The following BACH2 variants were observed in gnomAD, a reference collection of about 807,000 sequenced individuals.
The protein encoded by BACH2 is transcription regulator protein BACH2.
A neutral mutation model predicts 61.8 loss-of-function variants in BACH2; 5 were observed. The observed-to-expected ratio is 0.08, with a 90% CI of 0.04 to 0.17. The LOEUF (loss-of-function observed/expected upper bound fraction) is 0.17, where lower values mean the gene tolerates loss of function less well. Ranked by LOEUF, BACH2 falls within the 10% of genes least tolerant of loss-of-function variation. BACH2 has a pLI of 1.00. For missense variants in BACH2, 824 were observed against 1,091.1 expected (o/e 0.76, Z 3.45); for synonymous variants, 446 against 440.1 (o/e 1.01, Z -0.17).
intron 4 of BACH2, among the ~76,000 whole-genome samples, chr6:90,143,148 C>A (rs754622104): frequency 5.9e-5 from 9 of 152,196 alleles, no homozygotes; most frequent in Admixed American, 3.9e-4. Flanking sequence ...AGGGATAGGT[C>A]TGCTTTATGT....
intron 5 of BACH2, among the ~76,000 whole-genome samples, chr6:90,082,299 A>G (rs1781757071): frequency 1.3e-5 from 2 of 152,298 alleles, no homozygotes; most frequent in South Asian, 4.1e-4. Context: ...GAGGCCCACT[A>G]GGATCTTACA....
chr6:90,051,363 AC>A (rs1378750316), intron 5 of BACH2, among the ~76,000 whole-genome samples: 1 of 152,178 alleles, frequency 6.6e-6, no homozygotes, highest in African/African-American at 2.4e-5. Flanking sequence ...TACTGTTAGT[AC>A]AGGACTGGCA....
At chr6:90,296,284 C>T (rs1772381464) in intron 1 of BACH2, among the ~76,000 whole-genome samples, 196 bp downstream of exon 1, 4 of 151,806 alleles carry the variant, frequency 2.6e-5, no homozygotes, top group East Asian at 2.0e-4. Flanking sequence ...CGGCTCCCAC[C>T]CCCTTCCCGT....
intron 5 of BACH2, among the ~76,000 whole-genome samples, chr6:90,038,760 C>T (rs914356681): frequency 5.3e-5 from 8 of 151,886 alleles, no homozygotes; most frequent in African/African-American, 1.5e-4. Flanking sequence ...ACATATGGCC[C>T]GGGCATGGTG....
chr6:90,234,161 A>G (rs1209210120), intron 3 of BACH2, among the ~76,000 whole-genome samples: 1 of 152,210 alleles, frequency 6.6e-6, no homozygotes, highest in Non-Finnish European at 1.5e-5. Context: ...TCCTGGAAAT[A>G]CAGGCAGCAA....
chr6:89,980,522 G>A (rs1775893169), intron 6 of BACH2, among the ~76,000 whole-genome samples: 1 of 152,182 alleles, frequency 6.6e-6, no homozygotes, highest in East Asian at 1.9e-4. Context: ...CACAGTGGCT[G>A]GTCCAGGGAC....
intron 2 of BACH2, among the ~76,000 whole-genome samples, chr6:90,264,570 C>T (rs1771265608): frequency 6.6e-6 from 1 of 152,194 alleles, no homozygotes; most frequent in African/African-American, 2.4e-5. Context: ...TTGAGCATCA[C>T]ATATCCAAAA....
At chr6:89,962,394 T>C (rs1774797151) in intron 6 of BACH2, among the ~76,000 whole-genome samples, 4 of 152,204 alleles carry the variant, frequency 2.6e-5, no homozygotes. Context: ...TCAGCCCCAA[T>C]GAGCAGCTGT....
chr6:90,099,164 T>C (rs1013837078), intron 4 of BACH2, among the ~76,000 whole-genome samples: 1 of 152,192 alleles, frequency 6.6e-6, no homozygotes, highest in Non-Finnish European at 1.5e-5. Flanking sequence ...TGGGAAGACT[T>C]TGCCCACCTC....
Position 89,939,190 on chromosome 6 carries a change from C to T in BACH2, c.1837-840G>A, listed in dbSNP as rs148559267. The stretch of plus-strand genomic sequence containing the variant: ...CTGCCATGCCTCGAGGACATTCAAG[C>T]AGCTCTGTGGAGAGGCCCATGTGGA... On this transcript the variant is annotated intron_variant, in intron 7 of 8. Transcript: ENST00000257749. 1.8e-3 allele frequency among the ~76,000 whole-genome samples: 267 copies of T among 152,302 alleles called. 1 individual carries two copies. The highest frequency in any genetic ancestry group is 5.9e-3 in the African/African-American group (245 of 41,568).
At position 90,062,749 on chromosome 6, in the gene BACH2, T is replaced by C. The variant is rs573702907; in HGVS notation, c.-13+26212A>G. On this transcript the variant is annotated intron_variant, in intron 5 of 8. Transcript: ENST00000257749. The stretch of plus-strand genomic sequence containing the variant: ...TTTGGCTAATCTTGCCTCTTTCCCT[T>C]CTCTCCAACTGTTTTTTTTTTTTCC... 11 of 177,134 alleles carry C rather than the reference T, an allele frequency of 6.2e-5. No homozygotes were observed. In the South Asian group the frequency reaches 2.2e-3, roughly 35 times the overall value. 11.0% of individuals were successfully genotyped at this position (177,134 alleles called of 1,614,324 possible). A position where few individuals can be genotyped will look rare whatever the true frequency, so the allele number is the denominator to read the frequency against.
At chr6:89,949,735 C>T (rs1277493011) in intron 7 of BACH2, among the ~76,000 whole-genome samples, 1 of 152,214 alleles carries the variant, frequency 6.6e-6, no homozygotes, top group African/African-American at 2.4e-5. Context: ...AACGGTGAGG[C>T]TTCCATCACC....
chr6:90,058,327 T>C (rs1244996505), intron 5 of BACH2, among the ~76,000 whole-genome samples: 1 of 151,986 alleles, frequency 6.6e-6, no homozygotes, highest in Non-Finnish European at 1.5e-5. Context: ...TATACACCAA[T>C]AACAGACAAA....
rs529489307 is a variant in BACH2, at chr6:90,205,491, A to G, written c.-162+1078T>C. ...TCTGGGGACATTTTTGGTTGTCACA[A>G]TTAGAGTGAAGGGAAGGGGATGCTA... On this transcript the variant is annotated intron_variant, in intron 4 of 8. Transcript: ENST00000257749. 5.3e-5 allele frequency among the ~76,000 whole-genome samples: 8 copies of G among 152,280 alleles called. No individual in the cohort carries two copies. The South Asian group carries it at 1.2e-3, about 24-fold the overall frequency.
At chr6:90,278,954 T>A (rs1366374715) in intron 1 of BACH2, among the ~76,000 whole-genome samples, 2 of 152,210 alleles carry the variant, frequency 1.3e-5, no homozygotes, top group African/African-American at 2.4e-5. Flanking sequence ...ATCCTATATA[T>A]GTAAAACATT....
intron 4 of BACH2, among the ~76,000 whole-genome samples, chr6:90,129,095 C>T (rs1294339104): frequency 6.6e-6 from 1 of 152,044 alleles, no homozygotes; most frequent in Non-Finnish European, 1.5e-5. Flanking sequence ...GAAGGGATAG[C>T]ATTAGGAGAT....
At chr6:90,271,364 T>C (rs1253665318) in intron 2 of BACH2, among the ~76,000 whole-genome samples, 7 of 59,276 alleles carry the variant, frequency 1.2e-4, no homozygotes, top group African/African-American at 4.1e-4. Context: ...AACAACCCCA[T>C]TTAAAAAAAA....
intron 4 of BACH2, among the ~76,000 whole-genome samples, chr6:90,144,431 C>T (rs560642199): frequency 3.3e-5 from 5 of 152,114 alleles, no homozygotes; most frequent in Admixed American, 1.3e-4. Flanking sequence ...AAGAGAAGAG[C>T]TGGAAGAGAC....
chr6:90,103,683 T>C (rs564084914), intron 4 of BACH2, among the ~76,000 whole-genome samples: 2 of 152,312 alleles, frequency 1.3e-5, no homozygotes, highest in African/African-American at 4.8e-5. Flanking sequence ...GTAAACAGGT[T>C]GTCTCACTAT....
Sources: allele counts gnomAD v4.1 joint callset (sites outside exome capture counted in the v4.1 genomes callset), GRCh38; gene constraint gnomAD v4.1.1; transcripts MANE v1.5; gene names NCBI Gene and HGNC (gene_info 2026-07-23, HGNC 2026-07-21).